The following KCNK2 variants were observed in gnomAD, a reference collection of about 807,000 sequenced individuals.
The protein encoded by KCNK2 is potassium two pore domain channel subfamily K member 2, also known as potassium channel subfamily K member 2.
In KCNK2, 21 loss-of-function variants were observed where a neutral mutation model predicts 40.5. The observed-to-expected ratio is 0.52, with a 90% CI of 0.37 to 0.75. KCNK2 has a LOEUF of 0.75. Among genes scored for constraint, KCNK2 ranks in the 30% least tolerant of loss-of-function variants. KCNK2 has a pLI of 0.00. For missense variants in KCNK2, 399 were observed against 531.6 expected (o/e 0.75, Z 2.45); for synonymous variants, 191 against 202.2 (o/e 0.94, Z 0.47).
rs1369533084 is a variant in KCNK2 at position 215,172,140 on chromosome 1, G to T, written c.780G>T (p.Val260=). The T allele has an allele frequency of 1.9e-6, 3 of 1,613,014 alleles. No homozygotes were observed. The highest frequency in any genetic ancestry group is 2.2e-5 in the East Asian group (1 of 44,828). Residue 260 remains valine (V), a synonymous_variant, in exon 5 of 7, where the codon GTG becomes GTT. Coordinates refer to ENST00000444842, the MANE Select transcript of KCNK2 (RefSeq NM_001017425.3). Reference sequence around the variant, plus strand: ...GTGCCCTGGACGCCATTTATTTTGTGGTTATCACTCTAACAACTATTGGAT... The same window carrying T: ...GTGCCCTGGACGCCATTTATTTTGTTGTTATCACTCTAACAACTATTGGAT... The part of the protein sequence containing the change: ...GWSALDAIYF[V]VITLTTIGFG...
intron 6 of KCNK2, among the ~76,000 whole-genome samples, chr1:215,227,425 G>C (rs1186275909): frequency 6.6e-6 from 1 of 152,170 alleles, no homozygotes; most frequent in African/African-American, 2.4e-5. Context: ...AGGCAAAAGA[G>C]AGAGAAGAAT....
chr1:215,067,107 G>A (rs1658575049), intron 1 of KCNK2, among the ~76,000 whole-genome samples: 1 of 152,046 alleles, frequency 6.6e-6, no homozygotes, highest in Non-Finnish European at 1.5e-5. Flanking sequence ...GGCTGTAACT[G>A]TTTTTCCTCA....
chr1:215,045,226 T>TA (rs1217471251), intron 1 of KCNK2, among the ~76,000 whole-genome samples: 1 of 148,220 alleles, frequency 6.7e-6, no homozygotes, highest in Non-Finnish European at 1.5e-5. Flanking sequence ...AAAAACCACA[T>TA]AAAAAACAAA....
chr1:215,010,474 A>T (rs1487464680), intron 1 of KCNK2, among the ~76,000 whole-genome samples: 1 of 152,200 alleles, frequency 6.6e-6, no homozygotes, highest in Non-Finnish European at 1.5e-5. Context: ...CTTGCTCTGC[A>T]TGTGCATAGC....
rs990544183 is a variant in KCNK2, at chr1:215,083,135, C to A, written c.-251C>A. The A allele has an allele frequency of 5.4e-6, 4 of 747,128 alleles. No individual in the cohort carries two copies. In the African/African-American group the frequency reaches 7.1e-5, roughly 13 times the overall value. 46.3% of individuals were successfully genotyped at this position (747,128 alleles called of 1,614,324 possible). A position where few individuals can be genotyped will look rare whatever the true frequency, so the allele number is the denominator to read the frequency against. On this transcript the variant is annotated 5_prime_UTR_variant, in exon 1 of 7. Transcript: ENST00000444842. The stretch of plus-strand genomic sequence containing the variant: ...CCCAAGCCCAACTTGGCCTCCGCCT[C>A]GCCCTCTGCCCAGCCCGCCGGTGTC...
At chr1:215,114,974 G>A (rs1660859905) in intron 2 of KCNK2, among the ~76,000 whole-genome samples, 1 of 143,472 alleles carries the variant, frequency 7.0e-6, no homozygotes, top group East Asian at 2.2e-4. Context: ...TATAAATTGT[G>A]TTAACTGGTT....
intron 2 of KCNK2, among the ~76,000 whole-genome samples, chr1:215,118,290 G>A (rs1370747646): frequency 1.3e-5 from 2 of 152,138 alleles, no homozygotes; most frequent in Non-Finnish European, 2.9e-5. Flanking sequence ...ACTCACACAT[G>A]ACTGTGTATT....
intron 3 of KCNK2, among the ~76,000 whole-genome samples, chr1:215,166,562 G>T (rs1280821223): frequency 6.6e-6 from 1 of 152,094 alleles, no homozygotes; most frequent in Non-Finnish European, 1.5e-5. Context: ...CTGAGAAACA[G>T]TAAGGCAGCT....
At chr1:215,121,472 ACTGTATTGC>A (rs1302814849) in intron 2 of KCNK2, among the ~76,000 whole-genome samples, 1 of 152,144 alleles carries the variant, frequency 6.6e-6, no homozygotes, top group East Asian at 1.9e-4. Flanking sequence ...ATGGGGTTTC[ACTGTATTGC>A]CCAGGCTGGT....
upstream of KCNK2, among the ~76,000 whole-genome samples, chr1:215,081,207 C>A (rs2102523079): frequency 6.8e-6 from 1 of 146,918 alleles, no homozygotes; most frequent in African/African-American, 2.5e-5. Context: ...ACATATGTTC[C>A]ATTTCTCTAG....
chr1:215,086,505 G>C lies in KCNK2; in HGVS notation c.184G>C (p.Val62Leu). The C allele has an allele frequency of 6.2e-7, 1 of 1,614,144 alleles. No individual in the cohort carries two copies. Among genetic ancestry groups the C allele is most frequent in the Non-Finnish European group, 8.5e-7 (1 of 1,180,036 alleles). Reference protein sequence around the residue: ...TTINVMKWKTVSTIFLVVVLY... With the variant: ...TTINVMKWKTLSTIFLVVVLY... ...CATTAATGTTATGAAATGGAAGACG[G>C]TCTCCACGATATTCCTGGTGGTTGT... Residue 62 changes from valine (V) to leucine (L), a missense_variant, in exon 2 of 7, where the codon GTC (valine) becomes CTC (leucine). Around this residue, in one of 3 missense-constraint regions of KCNK2, gnomAD observed 279 missense variants for 353.8 expected, o/e 0.79. Transcript: ENST00000444842.
intron 1 of KCNK2, among the ~76,000 whole-genome samples, chr1:215,043,443 A>G (rs564097446): frequency 6.6e-6 from 1 of 152,270 alleles, no homozygotes; most frequent in Non-Finnish European, 1.5e-5. Flanking sequence ...GTATATGCAT[A>G]CAATGGAATA....
intron 1 of KCNK2, among the ~76,000 whole-genome samples, chr1:215,049,367 G>GA (rs1275432181): frequency 6.6e-6 from 1 of 152,088 alleles, no homozygotes; most frequent in Non-Finnish European, 1.5e-5. Context: ...ACTGTTTTGA[G>GA]AGATCTTTAT....
intron 2 of KCNK2, among the ~76,000 whole-genome samples, chr1:215,105,727 C>T (rs181690438): frequency 2.0e-5 from 3 of 152,016 alleles, no homozygotes; most frequent in East Asian, 1.9e-4. Context: ...GTTTTTTAAC[C>T]CCTGCCCTCC....
intron 1 of KCNK2, among the ~76,000 whole-genome samples, chr1:215,019,936 A>G (rs1656731355): frequency 7.3e-6 from 1 of 137,138 alleles, no homozygotes; most frequent in Admixed American, 7.3e-5. Flanking sequence ...AGGGTACATG[A>G]GCAGAGGGAC....
intron 2 of KCNK2, among the ~76,000 whole-genome samples, chr1:215,097,111 C>A (rs1427656898): frequency 6.6e-6 from 1 of 151,754 alleles, no homozygotes; most frequent in East Asian, 1.9e-4. Context: ...TTGTAAAAAT[C>A]TATACCTGCA....
At chr1:215,161,866 G>A (rs984651925) in intron 3 of KCNK2, among the ~76,000 whole-genome samples, 10 of 152,124 alleles carry the variant, frequency 6.6e-5, no homozygotes, top group Admixed American at 5.9e-4. Flanking sequence ...TTGCTATTGT[G>A]AATAGTGCTG....
intron 2 of KCNK2, among the ~76,000 whole-genome samples, chr1:215,118,721 GA>G (rs1204429002): frequency 6.6e-6 from 1 of 152,024 alleles, no homozygotes; most frequent in Non-Finnish European, 1.5e-5. Flanking sequence ...TAAAAATGGA[GA>G]AAAAGCGGAA....
intron 1 of KCNK2, among the ~76,000 whole-genome samples, chr1:215,071,812 A>T (rs927466203): frequency 3.3e-5 from 5 of 152,048 alleles, no homozygotes; most frequent in Non-Finnish European, 7.4e-5. Flanking sequence ...AGGAAGGGGG[A>T]ATCAATGCAA....
Sources: allele counts gnomAD v4.1 joint callset (sites outside exome capture counted in the v4.1 genomes callset), GRCh38; gene constraint gnomAD v4.1.1; regional missense constraint gnomAD v4.1.1; transcripts MANE v1.5; gene names NCBI Gene and HGNC (gene_info 2026-07-23, HGNC 2026-07-21).